The following CSGALNACT1 variants were observed in gnomAD, a reference collection of about 807,000 sequenced individuals.
CSGALNACT1 encodes chondroitin sulfate N-acetylgalactosaminyltransferase 1.
CSGALNACT1 carries 52 observed loss-of-function variants against 51.0 expected under a neutral mutation model. The observed-to-expected ratio is 1.02, with a 90% CI of 0.82 to 1.29. CSGALNACT1 has a LOEUF of 1.29. CSGALNACT1 is among the 50% of genes most tolerant of loss of function. The pLI, the probability that CSGALNACT1 is intolerant of heterozygous loss-of-function variation, is 0.00. For missense variants in CSGALNACT1, 935 were observed against 679.2 expected, an observed-to-expected ratio of 1.38 and a Z score of -4.19; for synonymous variants, 341 against 254.4, an observed-to-expected ratio of 1.34 and a Z score of -3.24.
chr8:19,452,621 G>C (rs1362889422), intron 5 of CSGALNACT1, among the ~76,000 whole-genome samples: 1 of 152,152 alleles, frequency 6.6e-6, no homozygotes, highest in Non-Finnish European at 1.5e-5. Context: ...CTGACTGGTA[G>C]GCGTGGAAAG....
chr8:19,753,090 G>T (rs939212159), intron 1 of CSGALNACT1, among the ~76,000 whole-genome samples: 24 of 152,252 alleles, frequency 1.6e-4, no homozygotes, highest in African/African-American at 5.8e-4. Flanking sequence ...TTCAGTCTGC[G>T]AAGATGAAGG....
chr8:19,418,052 G>C (rs1431963714), intron 8 of CSGALNACT1, among the ~76,000 whole-genome samples: 1 of 152,190 alleles, frequency 6.6e-6, no homozygotes, highest in Non-Finnish European at 1.5e-5. Context: ...TCTTAGCAGA[G>C]AAGTCCTTCC....
At position 19,481,119 on chromosome 8, in the gene CSGALNACT1, T is replaced by C. The variant is rs368917076; in HGVS notation, c.635-22477A>G. On this transcript the variant is annotated intron_variant, in intron 4 of 9. Coordinates refer to ENST00000454498, the Ensembl canonical transcript of CSGALNACT1. Reference sequence around the variant, plus strand: ...AATTAATCAGGCATTAGCTTTACAATGACCAGTTCTTATGTGCGGCTAATA... The same window carrying C: ...AATTAATCAGGCATTAGCTTTACAACGACCAGTTCTTATGTGCGGCTAATA... Among the ~76,000 whole-genome samples, 341 of 152,336 alleles carry C rather than the reference T, an allele frequency of 2.2e-3. 4 individuals are homozygous for C. Among genetic ancestry groups the C allele is most frequent in the African/African-American group, 7.9e-3 (328 of 41,570 alleles).
At chr8:19,605,872 C>T (rs943241457), upstream of CSGALNACT1, among the ~76,000 whole-genome samples, 2 of 152,144 alleles carry the variant, frequency 1.3e-5, no homozygotes, top group Non-Finnish European at 2.9e-5. Flanking sequence ...AAAATGAGTA[C>T]ATTGAGATCA....
chr8:19,569,090 A>G (rs545184307), intron 3 of CSGALNACT1, among the ~76,000 whole-genome samples: 25 of 152,380 alleles, frequency 1.6e-4, no homozygotes, highest in African/African-American at 5.8e-4. Flanking sequence ...ATAATGTAGA[A>G]AAGAAATGAG....
chr8:19,557,493 C>G (rs2039728969), intron 3 of CSGALNACT1, among the ~76,000 whole-genome samples: 1 of 152,212 alleles, frequency 6.6e-6, no homozygotes, highest in African/African-American at 2.4e-5. Flanking sequence ...CATTTCCCAC[C>G]TCAAAGCCCC....
intron 5 of CSGALNACT1, among the ~76,000 whole-genome samples, chr8:19,450,451 TAGAGACTGC>T (rs1171176364): frequency 3.3e-5 from 5 of 152,000 alleles, no homozygotes; most frequent in African/African-American, 1.2e-4. Context: ...CAGCCACAGG[TAGAGACTGC>T]AGAGACCCAA....
rs116784777 is a variant in CSGALNACT1 at position 19,582,338 on chromosome 8, A to T, written c.-297+8822T>A. Among the ~76,000 whole-genome samples, 956 of 152,328 alleles carry T rather than the reference A, an allele frequency of 6.3e-3. 11 individuals are homozygous for T. The highest frequency in any genetic ancestry group is 0.022 in the African/African-American group (905 of 41,564). ...ACACTTCCAATGAAAGACTACTTAGATAATATAAAACTTACAATGTACATT... is the reference window on the plus strand; with the variant it reads ...ACACTTCCAATGAAAGACTACTTAGTTAATATAAAACTTACAATGTACATT... On this transcript the variant is annotated intron_variant, in intron 3 of 9. Transcript: ENST00000454498.
At chr8:19,523,509 A>T (rs901089745) in intron 3 of CSGALNACT1, among the ~76,000 whole-genome samples, 1 of 151,978 alleles carries the variant, frequency 6.6e-6, no homozygotes, top group Non-Finnish European at 1.5e-5. Flanking sequence ...GGCTCCAGCG[A>T]TCCACCCACC....
intron 3 of CSGALNACT1, among the ~76,000 whole-genome samples, chr8:19,534,007 T>TGATGCAGA (rs1290723709): frequency 6.6e-6 from 1 of 152,134 alleles, no homozygotes; most frequent in African/African-American, 2.4e-5. Flanking sequence ...TGTTCTGAGG[T>TGATGCAGA]ACTCAGATGC....
At chr8:19,438,345 CG>C (rs1248730905) in intron 6 of CSGALNACT1, among the ~76,000 whole-genome samples, 1 of 152,178 alleles carries the variant, frequency 6.6e-6, no homozygotes, top group African/African-American at 2.4e-5. Context: ...TTGACAGAGA[CG>C]TTAAAACCTA....
At chr8:19,410,937 G>A (rs143390691) in intron 8 of CSGALNACT1, among the ~76,000 whole-genome samples, 92 of 152,352 alleles carry the variant, frequency 6.0e-4, no homozygotes, top group African/African-American at 2.0e-3. Flanking sequence ...ATAGCAGTCT[G>A]GCGGGAGTGT....
chr8:19,751,210 A>C (rs2065006657), intron 1 of CSGALNACT1, among the ~76,000 whole-genome samples: 2 of 152,170 alleles, frequency 1.3e-5, no homozygotes, highest in Non-Finnish European at 2.9e-5. Flanking sequence ...ACGTGCACTA[A>C]GGCCCAGCTA....
At chr8:19,512,808 TTTTC>T (rs1351135355) in intron 3 of CSGALNACT1, among the ~76,000 whole-genome samples, 4 of 152,186 alleles carry the variant, frequency 2.6e-5, no homozygotes, top group Non-Finnish European at 5.9e-5. Context: ...TCCAAAAATG[TTTTC>T]TTTAAGTGTC....
intron 4 of CSGALNACT1, among the ~76,000 whole-genome samples, chr8:19,460,187 A>G (rs1263314926): frequency 6.6e-6 from 1 of 152,156 alleles, no homozygotes; most frequent in African/African-American, 2.4e-5. Flanking sequence ...CCCATTTTCT[A>G]GTTTCACTTT....
At chr8:19,736,527 A>AT (rs2063987456) in intron 1 of CSGALNACT1, among the ~76,000 whole-genome samples, 3 of 152,126 alleles carry the variant, frequency 2.0e-5, no homozygotes, top group Admixed American at 1.3e-4. Context: ...AAAAAAAAAA[A>AT]AAATAAAACC....
At chr8:19,745,208 T>C (rs2064574299) in intron 1 of CSGALNACT1, among the ~76,000 whole-genome samples, 2 of 152,254 alleles carry the variant, frequency 1.3e-5, no homozygotes, top group African/African-American at 4.8e-5. Flanking sequence ...TAAAACTTCC[T>C]AATCTGCTGC....
intron 1 of CSGALNACT1, among the ~76,000 whole-genome samples, chr8:19,633,222 T>C (rs2055545118): frequency 6.6e-6 from 1 of 152,134 alleles, no homozygotes; most frequent in African/African-American, 2.4e-5. Context: ...CGGTGAATCT[T>C]TATCATTGAG....
intron 5 of CSGALNACT1, among the ~76,000 whole-genome samples, chr8:19,453,988 A>T (rs1379622052): frequency 6.6e-6 from 1 of 152,162 alleles, no homozygotes; most frequent in Non-Finnish European, 1.5e-5. Context: ...GATTAAGTGA[A>T]TGTGATTAAA....
Sources: allele counts gnomAD v4.1 joint callset (sites outside exome capture counted in the v4.1 genomes callset), GRCh38; gene constraint gnomAD v4.1.1; transcripts MANE v1.5; gene names NCBI Gene and HGNC (gene_info 2026-07-23, HGNC 2026-07-21).